The following ABCB11 variants were observed in gnomAD, a reference collection of about 807,000 sequenced individuals.
ABCB11 encodes the protein ATP binding cassette subfamily B member 11, also known as bile salt export pump.
Under a neutral mutation model 148.0 loss-of-function variants are expected in ABCB11, and 95 were observed. That is an observed-to-expected ratio of 0.64 (90% CI 0.54 to 0.76). The LOEUF (loss-of-function observed/expected upper bound fraction) is 0.76. Among genes scored for constraint, ABCB11 ranks in the 30% least tolerant of loss-of-function variants. The pLI, the probability that ABCB11 is intolerant of heterozygous loss-of-function variation, is 0.00. For synonymous variants in ABCB11, 591 were observed against 555.4 expected (o/e 1.06, Z -0.90); for missense variants, 1,523 against 1,617.8 (o/e 0.94, Z 1.01).
chr2:169,022,865 G>A (rs912178401), intron 1 of ABCB11, among the ~76,000 whole-genome samples: 4 of 151,522 alleles, frequency 2.6e-5, no homozygotes, highest in Admixed American at 6.6e-5. Flanking sequence ...GATTATTTAA[G>A]GTAAAAAATA....
downstream of ABCB11, among the ~76,000 whole-genome samples, chr2:168,918,409 C>A (rs1264712542): frequency 6.6e-6 from 1 of 152,166 alleles, no homozygotes; most frequent in African/African-American, 2.4e-5. Flanking sequence ...AGAAATTCTT[C>A]CAGATATCTT....
At chr2:168,941,030 C>T (rs1692038762) in intron 21 of ABCB11, among the ~76,000 whole-genome samples, 1 of 152,048 alleles carries the variant, frequency 6.6e-6, no homozygotes, top group Admixed American at 6.6e-5. Context: ...CCTAGTCACC[C>T]AGGTGCTCTG....
intron 5 of ABCB11, among the ~76,000 whole-genome samples, chr2:169,010,504 C>T (rs1695148979): frequency 1.3e-5 from 2 of 152,160 alleles, no homozygotes; most frequent in Admixed American, 1.3e-4. Context: ...TGTCATTACA[C>T]ACACATGCTT....
intron 3 of ABCB11, among the ~76,000 whole-genome samples, chr2:169,016,370 A>C (rs1695356441): frequency 6.6e-6 from 1 of 152,200 alleles, no homozygotes; most frequent in African/African-American, 2.4e-5. Flanking sequence ...TGATTAGCTG[A>C]TATGTGTTCT....
In ABCB11 at chr2:168,993,732, A is replaced by T; in HGVS notation, c.762T>A (p.Ile254=). ...TTACCAGACCAATGGTGGCTGCTCC[A>T]ATCCCAATGAGAGGGCTGACAGAAA... ...VIISVSPLIG[I]GAATIGLSVS... Residue 254 remains isoleucine, a synonymous_variant, in exon 8 of 28, where the codon ATT becomes ATA. Coordinates refer to ENST00000650372, the MANE Select transcript of ABCB11 (RefSeq NM_003742.4). The T allele has an allele frequency of 1.2e-6, 2 of 1,609,548 alleles. No individual in the cohort carries two copies. The highest frequency in any genetic ancestry group is 1.7e-4 in the Middle Eastern group (1 of 6,044).
At chr2:168,977,118 T>C (rs1409963239) in intron 11 of ABCB11, among the ~76,000 whole-genome samples, 3 of 148,604 alleles carry the variant, frequency 2.0e-5, no homozygotes, top group Non-Finnish European at 4.5e-5. Context: ...ATATAATACA[T>C]ATGTTGTATT....
chr2:168,980,820 G>C (rs1220390717), intron 10 of ABCB11, among the ~76,000 whole-genome samples: 1 of 152,138 alleles, frequency 6.6e-6, no homozygotes, highest in Admixed American at 6.6e-5. Context: ...ATCATGCCCA[G>C]ATGTTCCTAC....
Position 168,995,241 on chromosome 2 carries a change from T to A in ABCB11, c.611+108A>T. 3.9e-6 allele frequency: 5 copies of A among 1,291,680 alleles called. No individual in the cohort carries two copies. The South Asian group carries it at 6.4e-5, about 17-fold the overall frequency. The allele number at this position is 1,291,680 out of a possible 1,614,324, so 80.0% of individuals were successfully genotyped here. A position where few individuals can be genotyped will look rare whatever the true frequency, so the allele number is the denominator to read the frequency against. ...ACATATGAAAGCCCAATTTAAGAGA[T>A]GAAACATAGGAAAACTGAAAATATT... On this transcript the variant is annotated intron_variant, in intron 7 of 27. Coordinates refer to ENST00000650372, the MANE Select transcript of ABCB11 (RefSeq NM_003742.4).
chr2:169,024,823 T>C (rs1695644992), intron 1 of ABCB11, among the ~76,000 whole-genome samples: 1 of 152,174 alleles, frequency 6.6e-6, no homozygotes, highest in Non-Finnish European at 1.5e-5. Context: ...TTTTGTAGAA[T>C]GTCCCTTAAT....
At chr2:168,968,790 C>CAAAAAAA (rs4148788) in intron 16 of ABCB11, among the ~76,000 whole-genome samples, 7 of 148,248 alleles carry the variant, frequency 4.7e-5, no homozygotes, top group African/African-American at 1.7e-4. Context: ...TCAGAAGTAG[C>CAAAAAAA]AAAAAAAAAA....
chr2:168,919,028 A>C (rs970421724), downstream of ABCB11, among the ~76,000 whole-genome samples: 8 of 145,024 alleles, frequency 5.5e-5, no homozygotes, highest in African/African-American at 2.3e-4. Context: ...TTTATTGTAA[A>C]ACATCTTATT....
At chr2:168,948,456 C>T (rs1692423675) in intron 19 of ABCB11, among the ~76,000 whole-genome samples, 1 of 151,418 alleles carries the variant, frequency 6.6e-6, no homozygotes, top group African/African-American at 2.4e-5. Flanking sequence ...AGTTACAATG[C>T]CTGGAAAACT....
In ABCB11 at chr2:168,964,164, G is replaced by A. The variant is rs747406502; in HGVS notation, c.2178+42C>T. The stretch of plus-strand genomic sequence containing the variant: ...AAAGGGTACCCAACAGTCCCCAGGA[G>A]AGACTTCTTCCATTCCCCCCCATAA... On this transcript the variant is annotated intron_variant, in intron 18 of 27. Coordinates refer to ENST00000650372, the MANE Select transcript of ABCB11 (RefSeq NM_003742.4). The A allele has an allele frequency of 5.5e-6, 8 of 1,442,380 alleles. No individual in the cohort carries two copies. In the African/African-American group the frequency reaches 9.9e-5, roughly 18 times the overall value. The allele number at this position is 1,442,380 out of a possible 1,614,324, so 89.3% of individuals were successfully genotyped here.
In ABCB11 at chr2:168,995,272, A is replaced by T. The variant is rs1164353188; in HGVS notation, c.611+77T>A. 4.1e-6 allele frequency: 6 copies of T among 1,478,226 alleles called. No homozygotes were observed. The South Asian group carries it at 5.3e-5, about 13-fold the overall frequency. 91.6% of individuals were successfully genotyped at this position (1,478,226 alleles called of 1,614,324 possible). ...ATAGGAAAACTGAAAATATTTTTAAATTTTTATTTAATTTAGAAACAAGGG... is the reference window on the plus strand; with the variant it reads ...ATAGGAAAACTGAAAATATTTTTAATTTTTTATTTAATTTAGAAACAAGGG... On this transcript the variant is annotated intron_variant, in intron 7 of 27. Transcript: ENST00000650372.
intron 5 of ABCB11, among the ~76,000 whole-genome samples, chr2:169,005,753 T>C (rs921257127): frequency 2.6e-5 from 4 of 152,176 alleles, no homozygotes; most frequent in Non-Finnish European, 5.9e-5. Context: ...AATATGTTAA[T>C]TAGCTCAATT....
At chr2:168,964,134 G>A (rs1693194181) in intron 18 of ABCB11, 72 bp downstream of exon 18, 1 of 1,155,300 alleles carries the variant, frequency 8.7e-7, no homozygotes, top group African/African-American at 1.5e-5. Context: ...CATATTCTCA[G>A]GCTTAAAGGG....
chr2:169,005,030 C>T (rs1032612635), intron 5 of ABCB11, among the ~76,000 whole-genome samples: 2 of 152,090 alleles, frequency 1.3e-5, no homozygotes, highest in Non-Finnish European at 2.9e-5. Context: ...CTGTGGATAA[C>T]AGCACCTGCA....
At chr2:169,017,981 A>G in intron 2 of ABCB11, 69 bp downstream of exon 2, 2 of 1,343,706 alleles carry the variant, frequency 1.5e-6, no homozygotes, top group Non-Finnish European at 2.1e-6. Flanking sequence ...TTGAAACTTG[A>G]CCAGCTTGTC....
At position 169,016,765 on chromosome 2, in the gene ABCB11, A is replaced by G; in HGVS notation, c.98+13T>C. 2 of 1,596,756 alleles carry G rather than the reference A, an allele frequency of 1.3e-6. No individual in the cohort carries two copies. Among genetic ancestry groups the G allele is most frequent in the Non-Finnish European group, 1.7e-6 (2 of 1,168,952 alleles). ...CTAGAAAAGATGCTGCATTGTTGAA[A>G]TCAGTCACTTACCTTGATTTCTTAT... On this transcript the variant is annotated intron_variant, in intron 3 of 27. Coordinates refer to ENST00000650372, the MANE Select transcript of ABCB11 (RefSeq NM_003742.4).
Sources: allele counts gnomAD v4.1 joint callset (sites outside exome capture counted in the v4.1 genomes callset), GRCh38; gene constraint gnomAD v4.1.1; transcripts MANE v1.5; gene names NCBI Gene and HGNC (gene_info 2026-07-23, HGNC 2026-07-21).